ICA1: variants seen among roughly 807,000 people sequenced by gnomAD.
The protein encoded by ICA1 is islet cell autoantigen 1, also known as 69 kDa islet cell autoantigen.
In ICA1, 40 loss-of-function variants were observed where a neutral mutation model predicts 71.0. That is an observed-to-expected ratio of 0.56 (90% CI 0.44 to 0.73). The LOEUF is 0.73. ICA1 is among the 30% of genes least tolerant of loss of function. ICA1 has a pLI of 0.00. For synonymous variants in ICA1, 207 were observed against 209.5 expected, an observed-to-expected ratio of 0.99 and a Z score of 0.10; for missense variants, 578 against 576.5, an observed-to-expected ratio of 1.00 and a Z score of -0.03.
rs143488568 is a variant in ICA1, at chr7:8,164,985, G to T, written c.580-6333C>A. 9.2e-5 allele frequency among the ~76,000 whole-genome samples: 14 copies of T among 152,302 alleles called. No homozygotes were observed. The East Asian group carries it at 2.7e-3, about 29-fold the overall frequency. ...CTAGCTACTCAGAGAGTTAAGGTGGGAGGATTGCCTGAGCCCAGGAGGTGG... is the reference window on the plus strand; with the variant it reads ...CTAGCTACTCAGAGAGTTAAGGTGGTAGGATTGCCTGAGCCCAGGAGGTGG... On this transcript the variant is annotated intron_variant, in intron 6 of 13. Coordinates refer to ENST00000402384, the MANE Select transcript of ICA1 (RefSeq NM_001136020.3).
At chr7:8,116,469 G>A (rs1259946025) in intron 13 of ICA1, 5 of 152,236 alleles carry the variant, frequency 3.3e-5, no homozygotes, top group Admixed American at 3.3e-4. Context: ...GAGGAGATAG[G>A]AGATATGCAT....
At chr7:8,258,906 T>C (rs926522338) in intron 1 of ICA1, among the ~76,000 whole-genome samples, 20 of 152,170 alleles carry the variant, frequency 1.3e-4, no homozygotes, top group Non-Finnish European at 2.2e-4. Flanking sequence ...CAGATGGAGA[T>C]TATAATATCT....
intron 7 of ICA1, chr7:8,157,535 G>A (rs1218209079): frequency 3.4e-6 from 1 of 292,748 alleles, no homozygotes; most frequent in Non-Finnish European, 6.2e-6. Flanking sequence ...CAATCCCTCA[G>A]CTGATTCTAT....
In ICA1 at chr7:8,127,860, C is replaced by T. The variant is rs1355520363; in HGVS notation, c.1330+13G>A. On this transcript the variant is annotated intron_variant, in intron 13 of 13. Coordinates refer to ENST00000402384, the MANE Select transcript of ICA1 (RefSeq NM_001136020.3). Reference sequence around the variant, plus strand: ...CAAACAAAAAACCCCATTTCAATCCCCACCTTACCTACCTTGTAGCGAGGC... The same window carrying T: ...CAAACAAAAAACCCCATTTCAATCCTCACCTTACCTACCTTGTAGCGAGGC... 13 of 1,587,090 alleles carry T rather than the reference C, an allele frequency of 8.2e-6. No homozygotes were observed. The highest frequency in any genetic ancestry group is 1.4e-5 in the African/African-American group (1 of 73,696).
chr7:8,202,041 G>C (rs1449523413), intron 6 of ICA1, among the ~76,000 whole-genome samples: 1 of 152,112 alleles, frequency 6.6e-6, no homozygotes, highest in Non-Finnish European at 1.5e-5. Context: ...CTCCCTCCTG[G>C]GGCAGAGAAT....
intron 6 of ICA1, among the ~76,000 whole-genome samples, chr7:8,186,613 C>T (rs1783993691): frequency 6.6e-6 from 1 of 151,886 alleles, no homozygotes; most frequent in Admixed American, 6.6e-5. Context: ...GATTTTGAAA[C>T]CAAATAAATG....
At chr7:8,142,041 A>G (rs1425118316) in intron 9 of ICA1, 1 of 1,447,976 alleles carries the variant, frequency 6.9e-7, no homozygotes, top group South Asian at 1.2e-5. Flanking sequence ...CTCGAGGCAA[A>G]TATTCTGTAA....
chr7:8,113,676 G>T lies in ICA1; in HGVS notation c.*247C>A. 2.7e-6 allele frequency: 1 copy of T among 364,912 alleles called. No individual in the cohort carries two copies. Among genetic ancestry groups the T allele is most frequent in the Non-Finnish European group, 5.1e-6 (1 of 195,360 alleles). The allele number at this position is 364,912 out of a possible 1,614,324, so 22.6% of individuals were successfully genotyped here. A position where few individuals can be genotyped will look rare whatever the true frequency, so the allele number is the denominator to read the frequency against. ...CAGCCATGATGGGATGTAGGCAGGA[G>T]AGCGGTGGCCTGGAAACCGCTTCTA... On this transcript the variant is annotated 3_prime_UTR_variant, in exon 14 of 14. Transcript: ENST00000402384. The surrounding 1 kb of genome is among the most constrained non-coding windows in gnomAD (Gnocchi z 4.2).
chr7:8,230,424 G>C (rs80137817), intron 3 of ICA1, among the ~76,000 whole-genome samples: 1 of 152,036 alleles, frequency 6.6e-6, no homozygotes, highest in African/African-American at 2.4e-5. Flanking sequence ...CATCATTTTT[G>C]TATATTTCAT....
intron 6 of ICA1, among the ~76,000 whole-genome samples, chr7:8,159,465 A>G (rs1431959077): frequency 6.6e-6 from 1 of 152,234 alleles, no homozygotes; most frequent in Non-Finnish European, 1.5e-5. Flanking sequence ...TAATTTCAAC[A>G]ATTTAGGAGG....
intron 6 of ICA1, among the ~76,000 whole-genome samples, chr7:8,211,350 C>T (rs560170193): frequency 5.0e-4 from 76 of 152,206 alleles, no homozygotes; most frequent in Non-Finnish European, 9.6e-4. Flanking sequence ...CACTGCCCCC[C>T]GGTGACGGGC....
At chr7:8,164,655 T>A (rs187185921) in intron 6 of ICA1, among the ~76,000 whole-genome samples, 1 of 152,328 alleles carries the variant, frequency 6.6e-6, no homozygotes. Flanking sequence ...CACCCCTATT[T>A]TCCCCTGAGG....
chr7:8,133,401 C>A (rs1415543372), intron 12 of ICA1, among the ~76,000 whole-genome samples: 1 of 152,150 alleles, frequency 6.6e-6, no homozygotes, highest in Non-Finnish European at 1.5e-5. Flanking sequence ...GTAGCTGGGA[C>A]TACAGGCACA....
chr7:8,225,027 G>A (rs1453520096), intron 4 of ICA1, among the ~76,000 whole-genome samples: 2 of 152,136 alleles, frequency 1.3e-5, no homozygotes, highest in East Asian at 3.9e-4. Flanking sequence ...TATCTGCTGG[G>A]TTTCTCCACT....
At chr7:8,250,082 G>C (rs756172450) in intron 1 of ICA1, among the ~76,000 whole-genome samples, 1 of 152,110 alleles carries the variant, frequency 6.6e-6, no homozygotes, top group Non-Finnish European at 1.5e-5. Context: ...TGATGAACAG[G>C]GGAAATACTG....
chr7:8,131,557 C>G (rs969330593), intron 12 of ICA1, among the ~76,000 whole-genome samples: 2 of 152,184 alleles, frequency 1.3e-5, no homozygotes, highest in Admixed American at 6.5e-5. Context: ...ACAGGCCACA[C>G]AGTGCACATT....
intron 13 of ICA1, among the ~76,000 whole-genome samples, chr7:8,118,795 C>T (rs904307401): frequency 1.3e-5 from 2 of 152,192 alleles, no homozygotes; most frequent in Non-Finnish European, 2.9e-5. Flanking sequence ...TGCCACCTTT[C>T]CCCTAACCCC....
chr7:8,227,800 G>T (rs774159100), intron 4 of ICA1: 5 of 431,930 alleles, frequency 1.2e-5, no homozygotes, highest in South Asian at 8.3e-5. Context: ...TGCCCAGGCT[G>T]GTCTCAAACT....
chr7:8,169,266 G>C (rs541185808), intron 6 of ICA1, among the ~76,000 whole-genome samples: 1 of 151,904 alleles, frequency 6.6e-6, no homozygotes, highest in Non-Finnish European at 1.5e-5. Flanking sequence ...TCAATTTTTT[G>C]GCTCTTTTGT....
Sources: gnomAD v4.1 joint callset for allele counts (sites outside exome capture counted in the v4.1 genomes callset) on GRCh38, gnomAD v4.1.1 for gene constraint, Gnocchi (gnomAD v3.1) non-coding constraint, MANE v1.5 for transcripts, NCBI Gene and HGNC (gene_info 2026-07-23, HGNC 2026-07-21) for gene names.